The following AMPH variants were observed in gnomAD, a reference collection of about 807,000 sequenced individuals.
AMPH encodes amphiphysin (Stiff-Mann syndrome with breast cancer 128kD autoantigen).
Under a neutral mutation model 99.1 loss-of-function variants are expected in AMPH, and 49 were observed. The ratio of observed to expected loss-of-function variants is 0.49; its 90% confidence interval spans 0.39 to 0.63. AMPH has a LOEUF of 0.63. AMPH is among the 20% of genes least tolerant of loss of function. The probability of loss-of-function intolerance (pLI) is 0.00; values close to 1 mark genes in which losing one functional copy is unlikely to be tolerated. For synonymous variants in AMPH, 314 were observed against 317.3 expected, an observed-to-expected ratio of 0.99 and a Z score of 0.11; for missense variants, 759 against 863.4, an observed-to-expected ratio of 0.88 and a Z score of 1.52.
intron 20 of AMPH, among the ~76,000 whole-genome samples, chr7:38,386,930 A>G (rs1784365270): frequency 6.6e-6 from 1 of 152,224 alleles, no homozygotes; most frequent in Non-Finnish European, 1.5e-5. Flanking sequence ...CATAGAGTGT[A>G]AGGCTCCCAG....
intron 2 of AMPH, among the ~76,000 whole-genome samples, chr7:38,507,148 C>T (rs1789356515): frequency 1.3e-5 from 2 of 152,146 alleles, no homozygotes; most frequent in Admixed American, 6.5e-5. Context: ...TGAAATAATT[C>T]AGGCTCCAAT....
chr7:38,428,991 CA>C, intron 14 of AMPH: 1 of 1,288,956 alleles, frequency 7.8e-7, no homozygotes, highest in South Asian at 1.2e-5. Context: ...TGTCCTTTCA[CA>C]TGCTTTCTCT....
chr7:38,556,939 A>T (rs1409635486), intron 1 of AMPH, among the ~76,000 whole-genome samples: 1 of 152,180 alleles, frequency 6.6e-6, no homozygotes, highest in Non-Finnish European at 1.5e-5. Context: ...ATTGACTTGG[A>T]TGAATGAATG....
chr7:38,565,570 G>A (rs78196229), intron 1 of AMPH, among the ~76,000 whole-genome samples: 1 of 152,120 alleles, frequency 6.6e-6, no homozygotes, highest in African/African-American at 2.4e-5. Context: ...TGTTGGATTA[G>A]TGCCCATCCT....
Position 38,432,169 on chromosome 7 carries a change from C to CA in AMPH, c.1158+19dup. On this transcript the variant is annotated intron_variant, in intron 13 of 20. Transcript: ENST00000356264. ...CTGGGGATCAAGATACATGAAAAAA[C>CA]AGAGTTATTAGTGGCTTACCGTCCA... The CA allele has an allele frequency of 6.2e-7, 1 of 1,608,148 alleles. No homozygotes were observed. Among genetic ancestry groups the CA allele is most frequent in the Admixed American group, 1.7e-5 (1 of 60,000 alleles).
At chr7:38,614,147 A>G (rs1793785108) in intron 1 of AMPH, among the ~76,000 whole-genome samples, 1 of 152,194 alleles carries the variant, frequency 6.6e-6, no homozygotes, top group African/African-American at 2.4e-5. Context: ...GCCACATGAC[A>G]CATCTAGCCA....
At position 38,614,143 on chromosome 7, in the gene AMPH, T is replaced by C. The variant is rs117226835; in HGVS notation, c.69+17140A>G. ...TCCCACTGATGAGAGCTTAGCCACATGACACATCTAGCCACAAATGATGCT... is the reference window on the plus strand; with the variant it reads ...TCCCACTGATGAGAGCTTAGCCACACGACACATCTAGCCACAAATGATGCT... On this transcript the variant is annotated intron_variant, in intron 1 of 20. Transcript: ENST00000356264. 2.3e-3 allele frequency among the ~76,000 whole-genome samples: 345 copies of C among 152,348 alleles called. 15 individuals carry two copies. The East Asian group carries it at 0.061, about 27-fold the overall frequency.
intron 3 of AMPH, among the ~76,000 whole-genome samples, chr7:38,500,044 G>T (rs115026347): frequency 1.9e-3 from 288 of 152,326 alleles, no homozygotes; most frequent in African/African-American, 6.5e-3. Context: ...CTGGGGGCAT[G>T]ACTTTATTAG....
At chr7:38,464,522 A>T (rs1223336767) in intron 9 of AMPH, among the ~76,000 whole-genome samples, 1 of 152,224 alleles carries the variant, frequency 6.6e-6, no homozygotes, top group South Asian at 2.1e-4. Context: ...AAACATTAAC[A>T]TATGTAGAAG....
chr7:38,441,827 A>ATCATATATATCATATATC (rs1786551110), intron 11 of AMPH, among the ~76,000 whole-genome samples: 1 of 85,470 alleles, frequency 1.2e-5, no homozygotes, highest in African/African-American at 4.4e-5. Flanking sequence ...ATCATATATC[A>ATCATATATATCATATATC]TATATATCAT....
intron 1 of AMPH, among the ~76,000 whole-genome samples, chr7:38,617,060 A>G (rs1793897587): frequency 6.6e-6 from 1 of 152,264 alleles, no homozygotes; most frequent in Non-Finnish European, 1.5e-5. Flanking sequence ...AAATGTATGA[A>G]GCTGTACGGC....
At chr7:38,608,829 A>G (rs918857052) in intron 1 of AMPH, among the ~76,000 whole-genome samples, 16 of 152,170 alleles carry the variant, frequency 1.1e-4, no homozygotes, top group African/African-American at 3.1e-4. Flanking sequence ...CAACCTGTCC[A>G]TTTCCCCTAG....
At chr7:38,595,150 T>C (rs942101781) in intron 1 of AMPH, among the ~76,000 whole-genome samples, 1 of 152,152 alleles carries the variant, frequency 6.6e-6, no homozygotes, top group African/African-American at 2.4e-5. Flanking sequence ...GCCCTGGTGA[T>C]ACACAACGAC....
intron 5 of AMPH, among the ~76,000 whole-genome samples, chr7:38,479,381 GACAA>G (rs1331254447): frequency 1.3e-5 from 2 of 151,674 alleles, no homozygotes; most frequent in Non-Finnish European, 2.9e-5. Flanking sequence ...TTTTTTTTCA[GACAA>G]ACAAAGGCTG....
chr7:38,488,722 T>G (rs887754921), intron 5 of AMPH, among the ~76,000 whole-genome samples: 2 of 151,930 alleles, frequency 1.3e-5, no homozygotes, highest in African/African-American at 4.8e-5. Flanking sequence ...GAGAAAGAAG[T>G]TACGAGAGCA....
At chr7:38,431,944 G>A in intron 13 of AMPH, 1 of 553,796 alleles carries the variant, frequency 1.8e-6, no homozygotes, top group South Asian at 1.9e-5. Flanking sequence ...CCAAACTCTT[G>A]ACCATTATTC....
At chr7:38,456,433 C>A (rs569769222) in intron 11 of AMPH, among the ~76,000 whole-genome samples, 1 of 152,200 alleles carries the variant, frequency 6.6e-6, no homozygotes, top group South Asian at 2.1e-4. Flanking sequence ...AATCTTGTCA[C>A]CCCAGTGCTT....
intron 1 of AMPH, among the ~76,000 whole-genome samples, chr7:38,578,625 C>T (rs1338460082): frequency 6.6e-6 from 1 of 151,946 alleles, no homozygotes; most frequent in Non-Finnish European, 1.5e-5. Flanking sequence ...TTAAATTAAC[C>T]ACATGCTGTG....
At chr7:38,546,517 A>G (rs1285734610) in intron 1 of AMPH, among the ~76,000 whole-genome samples, 2 of 152,230 alleles carry the variant, frequency 1.3e-5, no homozygotes, top group East Asian at 3.8e-4. Context: ...TGGATATTTT[A>G]TAATAAAAAG....
Sources: gnomAD v4.1 joint callset for allele counts (sites outside exome capture counted in the v4.1 genomes callset) on GRCh38, gnomAD v4.1.1 for gene constraint, MANE v1.5 for transcripts, NCBI Gene and HGNC (gene_info 2026-07-23, HGNC 2026-07-21) for gene names.